DNM1L: variants seen among roughly 807,000 people sequenced by gnomAD.
DNM1L encodes dynamin-1-like protein.
Under a neutral mutation model 92.8 loss-of-function variants are expected in DNM1L, and 33 were observed. The ratio of observed to expected loss-of-function variants is 0.36; its 90% CI spans 0.27 to 0.48. DNM1L has a LOEUF of 0.48. Ranked by LOEUF, DNM1L falls within the 20% of genes least tolerant of loss-of-function variation. The pLI, the probability that DNM1L is intolerant of heterozygous loss-of-function variation, is 0.99. For synonymous variants in DNM1L, 284 were observed against 305.0 expected, an observed-to-expected ratio of 0.93 and a Z score of 0.72; for missense variants, 485 against 888.8, an observed-to-expected ratio of 0.55 and a Z score of 5.78.
intron 19 of DNM1L, 111 bp downstream of exon 19, chr12:32,742,859 C>G: frequency 4.1e-6 from 3 of 733,456 alleles, no homozygotes; most frequent in Non-Finnish European, 6.6e-6. Context: ...TCTAGCTAGG[C>G]TTGTTTCCTG....
chr12:32,740,027 T>C (rs541094258), intron 16 of DNM1L, 37 bp from the exon 17 acceptor site: 15 of 1,613,778 alleles, frequency 9.3e-6, no homozygotes, highest in Admixed American at 5.0e-5. Flanking sequence ...AGGTCAGATA[T>C]GATGTGGTTG....
Position 32,722,817 on chromosome 12 carries a change from A to C in DNM1L, c.1079+184A>C, listed in dbSNP as rs190184684. 826 of 375,616 alleles carry C rather than the reference A, an allele frequency of 2.2e-3. 3 individuals are homozygous for C. Among genetic ancestry groups the C allele is most frequent in the Non-Finnish European group, 2.4e-3 (517 of 213,236 alleles). 23.3% of individuals were successfully genotyped at this position (375,616 alleles called of 1,614,324 possible). A position where few individuals can be genotyped will look rare whatever the true frequency, so the allele number is the denominator to read the frequency against. ...GAAAATATGCTTTGTAAATGATATA[A>C]AGCAAAGTAAAATTGTCACATATTT... On this transcript the variant is annotated intron_variant, in intron 9 of 19. Coordinates refer to ENST00000549701, the MANE Select transcript of DNM1L (RefSeq NM_012062.5).
chr12:32,742,485 A>T, intron 18 of DNM1L, 104 bp from the exon 19 acceptor site: 1 of 1,340,776 alleles, frequency 7.5e-7, no homozygotes, highest in Non-Finnish European at 1.1e-6. Context: ...TATCCAAAGT[A>T]GTAGTGTTCT....
chr12:32,736,975 G>T, intron 13 of DNM1L, 130 bp from the exon 14 acceptor site: 1 of 789,270 alleles, frequency 1.3e-6, no homozygotes, highest in Non-Finnish European at 2.1e-6. Flanking sequence ...TGATAATTAT[G>T]GCATGAGTCC....
In DNM1L at chr12:32,745,135, T is replaced by C. The variant is rs1955571736; in HGVS notation, c.*1725T>C. The C allele has an allele frequency of 2.5e-6, 1 of 397,482 alleles. No homozygotes were observed. The highest frequency in any genetic ancestry group is 3.2e-5 in the Admixed American group (1 of 31,200). The allele number at this position is 397,482 out of a possible 1,614,324, so 24.6% of individuals were successfully genotyped here. A position where few individuals can be genotyped will look rare whatever the true frequency, so the allele number is the denominator to read the frequency against. ...TACTTTGAATCTGTTACTAGTACCA[T>C]CTTGACAGAGGATACATGCTCCCAA... On this transcript the variant is annotated 3_prime_UTR_variant, in exon 20 of 20. Coordinates refer to ENST00000549701, the MANE Select transcript of DNM1L (RefSeq NM_012062.5).
rs781743377 is a variant in DNM1L, at chr12:32,731,929, G to C, written c.1432G>C (p.Val478Leu). The C allele has an allele frequency of 4.3e-6, 7 of 1,612,604 alleles. No individual in the cohort carries two copies. The African/African-American group carries it at 9.3e-5, about 22-fold the overall frequency. The change falls in exon 12 of 20, where the codon GTT (valine) becomes CTT (leucine). Residue 478 changes from valine (V) to leucine (L), a missense_variant. Val to Leu is a conservative substitution (Grantham distance 32, BLOSUM62 1). This residue lies in a region of DNM1L where 28 missense variants were observed against 65.1 expected (regional missense o/e 0.43). Coordinates refer to ENST00000549701, the MANE Select transcript of DNM1L (RefSeq NM_012062.5). The surrounding 1 kb of genome is among the most constrained non-coding windows in gnomAD (Gnocchi z 5.1). ...VTCLLRKRLPVTNEMVHNLVA... is the reference protein window; with the variant it reads ...VTCLLRKRLPLTNEMVHNLVA... ...TTGTCTTCTTCGTAAAAGGTTGCCT[G>C]TTACAAATGAAATGGTGAGCTACTA...
intron 1 of DNM1L, among the ~76,000 whole-genome samples, chr12:32,691,291 T>C (rs2137249613): frequency 1.3e-5 from 2 of 152,194 alleles, no homozygotes; most frequent in Admixed American, 6.5e-5. Context: ...CAGGCTGGAG[T>C]GCAGAGGCGC....
Position 32,731,888 on chromosome 12 carries a change from T to C in DNM1L, c.1391T>C (p.Ile464Thr). 1.2e-6 allele frequency: 2 copies of C among 1,613,928 alleles called. No individual in the cohort carries two copies. The highest frequency in any genetic ancestry group is 1.7e-6 in the Non-Finnish European group (2 of 1,179,848). ...CGATTTCCTAAACTTCATGATGCCA[T>C]AGTTGAAGTGGTGACTTGTCTTCTT... ...LLRFPKLHDA[I>T]VEVVTCLLRK... Residue 464 changes from isoleucine (I) to threonine (T), a missense_variant, in exon 12 of 20, where the codon ATA (isoleucine) becomes ACA (threonine). Around this residue, in one of 11 missense-constraint regions of DNM1L, gnomAD observed 28 missense variants for 65.1 expected, o/e 0.43. Transcript: ENST00000549701. This position sits in a 1 kb window ranked among gnomAD's most constrained non-coding sequence, Gnocchi z 5.1.
In DNM1L at chr12:32,699,677, T is replaced by C. The variant is rs188713393; in HGVS notation, c.103-1738T>C. On this transcript the variant is annotated intron_variant, in intron 1 of 19. Coordinates refer to ENST00000549701, the MANE Select transcript of DNM1L (RefSeq NM_012062.5). ...GGCGTGGTGTCACACGCCTGTAATC[T>C]CAGCTACTTGGGAGGCTGAGGCAGG... Among the ~76,000 whole-genome samples, 342 of 151,020 alleles carry C rather than the reference T, an allele frequency of 2.3e-3. 4 individuals carry two copies. Among genetic ancestry groups the C allele is most frequent in the Middle Eastern group, 0.021 (6 of 288 alleles).
chr12:32,716,552 C>T (rs1044690248), intron 6 of DNM1L, among the ~76,000 whole-genome samples: 1 of 151,974 alleles, frequency 6.6e-6, no homozygotes, highest in African/African-American at 2.4e-5. Context: ...CTCCTGGGCT[C>T]AAGCAATCTG....
chr12:32,713,927 G>T (rs1953245948), intron 6 of DNM1L, among the ~76,000 whole-genome samples: 1 of 152,126 alleles, frequency 6.6e-6, no homozygotes, highest in Non-Finnish European at 1.5e-5. Context: ...AGGCACAGGG[G>T]ATTTTTAGAA....
intron 1 of DNM1L, among the ~76,000 whole-genome samples, chr12:32,690,685 C>T (rs1221210838): frequency 6.6e-6 from 1 of 152,072 alleles, no homozygotes; most frequent in African/African-American, 2.4e-5. Context: ...TAAATAGTAA[C>T]CATCTCATAG....
chr12:32,730,733 A>G (rs936640270), intron 9 of DNM1L, among the ~76,000 whole-genome samples: 2 of 152,220 alleles, frequency 1.3e-5, no homozygotes, highest in African/African-American at 4.8e-5. Context: ...AGGGCAGAGA[A>G]AAGGTGCTTA....
intron 16 of DNM1L, 141 bp from the exon 17 acceptor site, chr12:32,739,923 C>T: frequency 2.9e-6 from 3 of 1,021,108 alleles, no homozygotes; most frequent in East Asian, 2.6e-5. Flanking sequence ...TACCTAGTGT[C>T]TCCTTCTGAC....
chr12:32,713,767 G>A (rs1953236879), intron 6 of DNM1L, among the ~76,000 whole-genome samples: 1 of 152,080 alleles, frequency 6.6e-6, no homozygotes, highest in Admixed American at 6.6e-5. Flanking sequence ...ATTGCGTGAG[G>A]CCAGGAGTTC....
chr12:32,706,627 C>T (rs1484900849), intron 2 of DNM1L: 2 of 451,478 alleles, frequency 4.4e-6, no homozygotes, highest in African/African-American at 4.0e-5. Context: ...CAACTCCTTA[C>T]GCTGCATATA....
intron 19 of DNM1L, 43 bp downstream of exon 19, chr12:32,742,791 G>A (rs1592697178): frequency 8.9e-6 from 14 of 1,566,674 alleles, no homozygotes; most frequent in Non-Finnish European, 1.2e-5. Context: ...GTAGTAGATA[G>A]AAACATAGAA....
chr12:32,725,806 T>C (rs745317820), intron 9 of DNM1L: 7 of 152,636 alleles, frequency 4.6e-5, no homozygotes, highest in African/African-American at 9.6e-5. Context: ...GGTTTCACCA[T>C]GTTGGTCAGG....
chr12:32,742,562 A>G, intron 18 of DNM1L, 27 bp from the exon 19 acceptor site: 3 of 1,613,860 alleles, frequency 1.9e-6, no homozygotes, highest in Non-Finnish European at 2.5e-6. Context: ...TTTGGCTAAA[A>G]TTCCATAATT....
Sources: allele counts gnomAD v4.1 joint callset (sites outside exome capture counted in the v4.1 genomes callset), GRCh38; gene constraint gnomAD v4.1.1; regional missense constraint gnomAD v4.1.1; non-coding constraint Gnocchi (gnomAD v3.1); transcripts MANE v1.5; gene names NCBI Gene and HGNC (gene_info 2026-07-23, HGNC 2026-07-21).